The following TMPRSS15 variants were observed in gnomAD, a reference collection of about 807,000 sequenced individuals.
TMPRSS15 encodes the protein transmembrane serine protease 15.
In TMPRSS15, 128 loss-of-function variants were observed where a neutral mutation model predicts 125.3. The ratio of observed to expected loss-of-function variants is 1.02; its 90% confidence interval spans 0.89 to 1.18. The LOEUF (loss-of-function observed/expected upper bound fraction) is 1.18, where lower values mean the gene tolerates loss of function less well. Ranked by LOEUF, TMPRSS15 falls within the 50% of genes most tolerant of loss-of-function variation. The probability of loss-of-function intolerance (pLI) is 0.00; values close to 1 mark genes in which losing one functional copy is unlikely to be tolerated. For missense variants in TMPRSS15, 1,283 were observed against 1,212.7 expected, an observed-to-expected ratio of 1.06 and a Z score of -0.86; for synonymous variants, 446 against 423.2, an observed-to-expected ratio of 1.05 and a Z score of -0.66.
chr21:18,333,522 G>A (rs932597864), intron 13 of TMPRSS15, among the ~76,000 whole-genome samples: 1 of 151,800 alleles, frequency 6.6e-6, no homozygotes. Context: ...ATTTAATTCT[G>A]CAATTCTTGA....
At chr21:18,464,376 T>C (rs1601471821) in intron 1 of TMPRSS15, among the ~76,000 whole-genome samples, 1 of 151,522 alleles carries the variant, frequency 6.6e-6, no homozygotes, top group East Asian at 2.0e-4. Flanking sequence ...GCAAACGTAT[T>C]TAAAAGCTAG....
chr21:18,431,943 T>G (rs554651154), intron 1 of TMPRSS15, among the ~76,000 whole-genome samples: 33 of 152,338 alleles, frequency 2.2e-4, no homozygotes, highest in African/African-American at 7.2e-4. Flanking sequence ...CTAAAGTGTG[T>G]CAATGACTTT....
chr21:18,396,792 A>AAAATCTGTCTGTCTGTCTGTCTGTCTG (rs1408156983), intron 3 of TMPRSS15, among the ~76,000 whole-genome samples: 6 of 112,790 alleles, frequency 5.3e-5, no homozygotes, highest in East Asian at 7.6e-4. Flanking sequence ...AAAAAAAAAA[A>AAAATCTGTCTGTCTGTCTGTCTGTCTG]TCTGTCTGTC....
chr21:18,342,197 G>A (rs573867679), intron 12 of TMPRSS15, among the ~76,000 whole-genome samples: 1 of 152,296 alleles, frequency 6.6e-6, no homozygotes, highest in African/African-American at 2.4e-5. Context: ...TATTTTAGCT[G>A]TACTTTCCTG....
At chr21:18,383,479 T>C in intron 4 of TMPRSS15, 148 bp downstream of exon 4, 5 of 903,536 alleles carry the variant, frequency 5.5e-6, no homozygotes, top group Non-Finnish European at 8.3e-6. Flanking sequence ...TTTCTTCAGA[T>C]TTCACTTTTC....
Position 18,358,185 on chromosome 21 carries a change from T to C in TMPRSS15, c.880+1572A>G, listed in dbSNP as rs2075644270. Among the ~76,000 whole-genome samples, 8 of 151,952 alleles carry C rather than the reference T, an allele frequency of 5.3e-5. 1 individual carries two copies. The South Asian group carries it at 1.7e-3, about 31-fold the overall frequency. ...AAAATAATATTTAGACAGACCATGG[T>C]ATTTGAAGAGTTAAGAAACATGAGA... On this transcript the variant is annotated intron_variant, in intron 8 of 24. Transcript: ENST00000284885.
intron 13 of TMPRSS15, among the ~76,000 whole-genome samples, chr21:18,340,220 A>G (rs1182440177): frequency 3.3e-5 from 5 of 152,200 alleles, no homozygotes; most frequent in Admixed American, 2.0e-4. Flanking sequence ...CAGCACAGCT[A>G]GAATAAAAGC....
At chr21:18,282,095 C>T (rs1366449463) in intron 21 of TMPRSS15, among the ~76,000 whole-genome samples, 1 of 76,188 alleles carries the variant, frequency 1.3e-5, no homozygotes, top group South Asian at 4.5e-4. Flanking sequence ...AAGACTCCGC[C>T]TCAAAAAAAA....
At chr21:18,465,500 A>G (rs138535258) in intron 1 of TMPRSS15, among the ~76,000 whole-genome samples, 94 of 152,294 alleles carry the variant, frequency 6.2e-4, no homozygotes, top group African/African-American at 2.1e-3. Flanking sequence ...ATCATTGTGT[A>G]TTTAGAAAAC....
At chr21:18,453,904 C>T (rs1978387871) in intron 1 of TMPRSS15, among the ~76,000 whole-genome samples, 1 of 152,178 alleles carries the variant, frequency 6.6e-6, no homozygotes, top group Admixed American at 6.5e-5. Context: ...CACAGAAGGA[C>T]AAATTCTGCA....
chr21:18,480,308 G>A (rs1978959411), intron 1 of TMPRSS15, among the ~76,000 whole-genome samples: 1 of 151,802 alleles, frequency 6.6e-6, no homozygotes, highest in Non-Finnish European at 1.5e-5. Flanking sequence ...GTTCATGTAT[G>A]GATTTTTAAA....
chr21:18,353,918 TATCCATCCATCA>T, intron 8 of TMPRSS15, 55 bp from the exon 9 acceptor site: 1 of 1,524,460 alleles, frequency 6.6e-7, no homozygotes, highest in Non-Finnish European at 9.1e-7. Context: ...TTCATCTCTC[TATCCATCCATCA>T]GTCCATCTAC....
At position 18,350,579 on chromosome 21, in the gene TMPRSS15, C is replaced by T. The variant is rs140955378; in HGVS notation, c.1171+2324G>A. Among the ~76,000 whole-genome samples the T allele has an allele frequency of 2.8e-4, 42 of 152,146 alleles. No individual in the cohort carries two copies. The East Asian group carries it at 7.3e-3, about 27-fold the overall frequency. ...CCTGGAATAATCTGTGTGGCTAATT[C>T]TTTCAATTCCTTACAGTTTTGATTC... On this transcript the variant is annotated intron_variant, in intron 10 of 24. Transcript: ENST00000284885.
At chr21:18,276,763 T>G (rs933481088) in intron 23 of TMPRSS15, among the ~76,000 whole-genome samples, 1 of 149,210 alleles carries the variant, frequency 6.7e-6, no homozygotes, top group African/African-American at 2.5e-5. Context: ...TTCTTTTTTT[T>G]TTTTTTTTTT....
chr21:18,297,796 G>A lies in TMPRSS15; in HGVS notation c.2199C>T (p.Thr733=), dbSNP rs143990487. The A allele has an allele frequency of 4.6e-5, 75 of 1,613,464 alleles. No individual in the cohort carries two copies. The highest frequency in any genetic ancestry group is 1.7e-4 in the African/African-American group (13 of 74,870). ...TTAATTTGACAAATGGTCCACCATC[G>A]GTAGGGAAGATTGGCTTTGATGAGT... The part of the protein sequence containing the change: ...SGNSSKPIFP[T]DGGPFVKLNT... Residue 733 remains threonine, a synonymous_variant, in exon 19 of 25, where the codon ACC becomes ACT. Transcript: ENST00000284885.
chr21:18,368,842 C>A (rs2075764078), intron 6 of TMPRSS15, among the ~76,000 whole-genome samples: 2 of 152,110 alleles, frequency 1.3e-5, no homozygotes, highest in South Asian at 4.1e-4. Flanking sequence ...TGAAGTATTT[C>A]TAATAGCAAC....
At chr21:18,457,257 C>T (rs951294020) in intron 1 of TMPRSS15, among the ~76,000 whole-genome samples, 5 of 152,054 alleles carry the variant, frequency 3.3e-5, no homozygotes, top group Non-Finnish European at 5.9e-5. Flanking sequence ...GAGTTAGACA[C>T]GAAAAATGAA....
At chr21:18,280,956 T>TG (rs774373164) in intron 22 of TMPRSS15, 84 bp downstream of exon 22, 266 of 1,353,804 alleles carry the variant, frequency 2.0e-4, no homozygotes, top group Non-Finnish European at 2.6e-4. Context: ...TATGAATTAA[T>TG]GCATTGACAT....
chr21:18,475,077 G>A (rs1444185741), intron 1 of TMPRSS15, among the ~76,000 whole-genome samples: 1 of 152,060 alleles, frequency 6.6e-6, no homozygotes, highest in African/African-American at 2.4e-5. Context: ...AGGACAGCTG[G>A]GACCTAAGCC....
Sources: gnomAD v4.1 joint callset for allele counts (sites outside exome capture counted in the v4.1 genomes callset) on GRCh38, gnomAD v4.1.1 for gene constraint, MANE v1.5 for transcripts, NCBI Gene and HGNC (gene_info 2026-07-23, HGNC 2026-07-21) for gene names.